The following ERCC6 variants were observed in gnomAD, a reference collection of about 807,000 sequenced individuals.
ERCC6 encodes the protein ERCC excision repair 6, chromatin remodeling factor, also known as DNA excision repair protein ERCC-6.
In ERCC6, 116 loss-of-function variants were observed where a neutral mutation model predicts 158.7. That is an observed-to-expected ratio of 0.73 (90% CI 0.63 to 0.85). The LOEUF is 0.85. Ranked by LOEUF, ERCC6 falls within the 40% of genes least tolerant of loss-of-function variation. The pLI is 0.00. For synonymous variants in ERCC6, 678 were observed against 659.3 expected (o/e 1.03, Z -0.43); for missense variants, 1,698 against 1,799.4 (o/e 0.94, Z 1.02).
chr10:49,526,117 T>TATATTTATATATTTATATATTTATATATA (rs1837326508), intron 4 of ERCC6, among the ~76,000 whole-genome samples: 2 of 43,592 alleles, frequency 4.6e-5, no homozygotes, highest in African/African-American at 1.7e-4. Context: ...TTATATATTT[T>TATATTTATATATTTATATATTTATATATA]TATATATATA....
At chr10:49,521,502 T>C (rs948987331) in intron 5 of ERCC6, among the ~76,000 whole-genome samples, 10 of 152,340 alleles carry the variant, frequency 6.6e-5, no homozygotes, top group Admixed American at 5.2e-4. Flanking sequence ...CCAACAGCCA[T>C]AAGCAAATGG....
chr10:49,500,800 T>A, intron 6 of ERCC6, 104 bp from the exon 7 acceptor site: 1 of 1,218,988 alleles, frequency 8.2e-7, no homozygotes, highest in Non-Finnish European at 1.2e-6. Flanking sequence ...TAGGTTCTAG[T>A]ACCAGTCAGA....
intron 18 of ERCC6, 67 bp from the exon 19 acceptor site, chr10:49,461,623 G>A (rs1850585578): frequency 2.7e-6 from 4 of 1,486,434 alleles, no homozygotes; most frequent in South Asian, 1.2e-5. Flanking sequence ...TTTCTCCTCT[G>A]TATAAGTACA....
chr10:49,490,550 T>C (rs1851155809), intron 8 of ERCC6, among the ~76,000 whole-genome samples: 1 of 152,072 alleles, frequency 6.6e-6, no homozygotes, highest in African/African-American at 2.4e-5. Flanking sequence ...AGACAGGGTT[T>C]CACCACATTG....
intron 11 of ERCC6, 100 bp from the exon 12 acceptor site, chr10:49,476,410 AT>A: frequency 1.3e-6 from 1 of 784,528 alleles, no homozygotes; most frequent in Non-Finnish European, 2.1e-6. Flanking sequence ...AGCACAATGC[AT>A]GCGATTTTAA....
chr10:49,449,560 C>CTTTTTTTTTT (rs71026248), downstream of ERCC6, among the ~76,000 whole-genome samples: 16 of 68,064 alleles, frequency 2.4e-4, 3 homozygotes, highest in African/African-American at 1.0e-3. Context: ...ATAGTTAGGT[C>CTTTTTTTTTT]TTTTTTTTTT....
chr10:49,482,955 C>G, intron 9 of ERCC6, 92 bp from the exon 10 acceptor site: 3 of 1,323,066 alleles, frequency 2.3e-6, no homozygotes, highest in Non-Finnish European at 3.2e-6. Context: ...ATTATTTACA[C>G]ATTTACTCAT....
At chr10:49,480,843 C>A (rs1268242919) in intron 10 of ERCC6, among the ~76,000 whole-genome samples, 2 of 152,158 alleles carry the variant, frequency 1.3e-5, no homozygotes, top group Non-Finnish European at 2.9e-5. Context: ...CAAACCCAAA[C>A]TGAGGTACAT....
rs142616577 is a variant in ERCC6 at position 49,481,352 on chromosome 10, A to C, written c.2169+1335T>G. Among the ~76,000 whole-genome samples the C allele has an allele frequency of 4.5e-3, 682 of 152,294 alleles. 3 individuals are homozygous for C. Among genetic ancestry groups the C allele is most frequent in the African/African-American group, 0.016 (644 of 41,518 alleles). On this transcript the variant is annotated intron_variant, in intron 10 of 20. Coordinates refer to ENST00000355832, the MANE Select transcript of ERCC6 (RefSeq NM_000124.4). ...AAAATAAATTTTTTTAAAAAAAAGA[A>C]TGGTATAACAGGAGATTCAGAGAAA... is the stretch of plus-strand genomic sequence containing the variant.
In ERCC6 at chr10:49,532,952, C is replaced by T. The variant is rs1357952729; in HGVS notation, c.13G>A (p.Gly5Arg). The T allele has an allele frequency of 3.7e-6, 6 of 1,613,974 alleles. No individual in the cohort carries two copies. The Admixed American group carries it at 1.0e-4, about 27-fold the overall frequency. Residue 5 changes from glycine (G) to arginine (R), a missense_variant, in exon 2 of 21, where the codon GGA (glycine) becomes AGA (arginine). Transcript: ENST00000355832. MPNEGIPHSSQTQEQ... is the reference protein window; with the variant it reads MPNERIPHSSQTQEQ... Reference sequence around the variant, plus strand: ...TGAGTTTGACTTGAGTGGGGGATTCCCTCATTTGGCATTCTCTACAGACTA... The same window carrying T: ...TGAGTTTGACTTGAGTGGGGGATTCTCTCATTTGGCATTCTCTACAGACTA...
intron 5 of ERCC6, among the ~76,000 whole-genome samples, chr10:49,520,384 C>G (rs1245414096): frequency 3.9e-5 from 6 of 151,974 alleles, no homozygotes; most frequent in Admixed American, 3.9e-4. Context: ...TAGTAACTGC[C>G]GATACATGAA....
In ERCC6 at chr10:49,461,543, A is replaced by G; in HGVS notation, c.3792T>C (p.Ser1264=). The change falls in exon 19 of 21, where the codon AGT becomes AGC. Residue 1264 remains serine (S), a synonymous_variant. Coordinates refer to ENST00000355832, the MANE Select transcript of ERCC6 (RefSeq NM_000124.4). ...KLFKKSVGVH[S]VMKHDAIMDG... ...CCATGATGGCATCGTGCTTCATGAC[A>G]CTGTGCACGCCAACTAGCAAGAAAA... 6.2e-7 allele frequency: 1 copy of G among 1,613,776 alleles called. No individual in the cohort carries two copies. Among genetic ancestry groups the G allele is most frequent in the Non-Finnish European group, 8.5e-7 (1 of 1,179,854 alleles).
chr10:49,484,337 A>T (rs575308702), intron 8 of ERCC6, among the ~76,000 whole-genome samples: 1 of 152,170 alleles, frequency 6.6e-6, no homozygotes, highest in Admixed American at 6.5e-5. Flanking sequence ...CCATAAATGG[A>T]GCCGAGATTT....
chr10:49,461,422 G>A lies in ERCC6; in HGVS notation c.3913C>T (p.Leu1305=), dbSNP rs371533699. The stretch of plus-strand genomic sequence containing the variant: ...GTGGGAACACCAGACACTGCTCCCA[G>A]ACACCGCTGACGAGAGAGCCTCAGT... ...KALRLSRQRC[L]GAVSGVPTWT... is the part of the protein sequence containing the mutation. Residue 1305 remains leucine (L), a synonymous_variant, in exon 19 of 21, where the codon CTG becomes TTG. Transcript: ENST00000355832. 2.0e-5 allele frequency: 32 copies of A among 1,614,170 alleles called. No individual in the cohort carries two copies. The African/African-American group carries it at 3.5e-4, about 17-fold the overall frequency.
At chr10:49,495,549 T>A (rs7922756) in intron 7 of ERCC6, among the ~76,000 whole-genome samples, 4 of 151,882 alleles carry the variant, frequency 2.6e-5, no homozygotes, top group Non-Finnish European at 1.5e-5. Flanking sequence ...ATCACTCTTC[T>A]GAACTCCAAA....
chr10:49,524,444 T>C lies in ERCC6; in HGVS notation c.986A>G (p.Lys329Arg), dbSNP rs755663107. Residue 329 changes from lysine to arginine, a missense_variant, in exon 5 of 21, where the codon AAA (lysine) becomes AGA (arginine). By Grantham distance (26) the Lys-to-Arg change is conservative (BLOSUM62 2). Coordinates refer to ENST00000355832, the MANE Select transcript of ERCC6 (RefSeq NM_000124.4). ...RVLSKKEERL[K>R]KHIKKLQKRA... ...CTTCTGGAGTTTCTTGATGTGCTTT[T>C]TCAAACGCTCCTCTTTTTTGGACAG... is the stretch of plus-strand genomic sequence containing the variant. 7.4e-6 allele frequency: 12 copies of C among 1,614,238 alleles called. No homozygotes were observed. In the Middle Eastern group the frequency reaches 4.9e-4, roughly 67 times the overall value.
chr10:49,447,911 T>C, the ERCC6 span, among the ~76,000 whole-genome samples: 1 of 152,198 alleles, frequency 6.6e-6, no homozygotes, highest in Non-Finnish European at 1.5e-5. Context: ...ACTGTGTAGA[T>C]AGACCACATT....
At chr10:49,446,840 A>G in the ERCC6 span, among the ~76,000 whole-genome samples, 1 of 152,230 alleles carries the variant, frequency 6.6e-6, no homozygotes, top group Admixed American at 6.5e-5. Flanking sequence ...TTCAATGGAT[A>G]GCTTAACCAG....
At chr10:49,501,066 T>G (rs1413165788) in intron 6 of ERCC6, 5 of 260,128 alleles carry the variant, frequency 1.9e-5, no homozygotes, top group African/African-American at 1.1e-4. Flanking sequence ...TATATAAAGT[T>G]CCATTAATTT....
Sources: allele counts gnomAD v4.1 joint callset (sites outside exome capture counted in the v4.1 genomes callset), GRCh38; gene constraint gnomAD v4.1.1; transcripts MANE v1.5; gene names NCBI Gene and HGNC (gene_info 2026-07-23, HGNC 2026-07-21).